Variants in PLIN3 observed in about 807,000 individuals in gnomAD.
PLIN3 encodes the protein perilipin 3, also known as perilipin-3.
A neutral mutation model predicts 35.9 loss-of-function variants in PLIN3; 30 were observed. The ratio of observed to expected loss-of-function variants is 0.84; its 90% CI spans 0.62 to 1.13. The LOEUF is 1.13. Among genes scored for constraint, PLIN3 ranks in the 50% most tolerant of loss-of-function variants. PLIN3 has a pLI of 0.00. For synonymous variants in PLIN3, 261 were observed against 262.5 expected, an observed-to-expected ratio of 0.99 and a Z score of 0.06; for missense variants, 603 against 596.9, an observed-to-expected ratio of 1.01 and a Z score of -0.11.
intron 5 of PLIN3, among the ~76,000 whole-genome samples, chr19:4,851,405 A>G (rs982960452): frequency 6.6e-6 from 1 of 152,112 alleles, no homozygotes; most frequent in Non-Finnish European, 1.5e-5. Flanking sequence ...CAGAGGTTGC[A>G]GTGAGCTGAG....
chr19:4,865,069 G>A (rs920403186), intron 1 of PLIN3, among the ~76,000 whole-genome samples: 1 of 152,148 alleles, frequency 6.6e-6, no homozygotes, highest in Non-Finnish European at 1.5e-5. Flanking sequence ...GCGGGCGCCT[G>A]TAGTCCCAGC....
At chr19:4,866,742 A>G (rs1380859046) in intron 1 of PLIN3, 1 of 152,316 alleles carries the variant, frequency 6.6e-6, no homozygotes, top group East Asian at 1.9e-4. Flanking sequence ...GCCTCGACCG[A>G]TTCTCAAGTC....
chr19:4,857,990 G>T (rs970296430), intron 4 of PLIN3, among the ~76,000 whole-genome samples: 1 of 143,688 alleles, frequency 7.0e-6, no homozygotes, highest in Non-Finnish European at 1.5e-5. Flanking sequence ...AAAAAAAAGA[G>T]GGGGCCGGGC....
chr19:4,849,891 TC>T (rs371695466), intron 5 of PLIN3, among the ~76,000 whole-genome samples: 6 of 151,960 alleles, frequency 3.9e-5, no homozygotes, highest in African/African-American at 1.4e-4. Context: ...GACCATGTGA[TC>T]CAGCTGCCTC....
At chr19:4,856,810 A>C (rs1281742269) in intron 4 of PLIN3, among the ~76,000 whole-genome samples, 1 of 149,628 alleles carries the variant, frequency 6.7e-6, no homozygotes, top group Admixed American at 6.7e-5. Flanking sequence ...GGTTCAAGTG[A>C]TACTCGTGCC....
intron 4 of PLIN3, among the ~76,000 whole-genome samples, chr19:4,853,686 G>A (rs1333121649): frequency 6.6e-6 from 1 of 151,710 alleles, no homozygotes; most frequent in East Asian, 1.9e-4. Context: ...AGTGGTGCAT[G>A]TCTGTAATCC....
chr19:4,861,476 C>G, intron 1 of PLIN3, 65 bp from the exon 2 acceptor site: 2 of 1,142,824 alleles, frequency 1.8e-6, no homozygotes, highest in Non-Finnish European at 1.3e-6. Flanking sequence ...AAGTCCAGGC[C>G]CACGCTGCAG....
At chr19:4,861,194 C>G (rs1236946387) in intron 2 of PLIN3, 135 bp downstream of exon 2, 2 of 756,720 alleles carry the variant, frequency 2.6e-6, no homozygotes, top group Non-Finnish European at 4.6e-6. Flanking sequence ...CCATACCCCA[C>G]TGAGGAATAA....
chr19:4,858,648 C>A (rs2030554028), intron 4 of PLIN3, among the ~76,000 whole-genome samples: 1 of 150,222 alleles, frequency 6.7e-6, no homozygotes, highest in African/African-American at 2.5e-5. Flanking sequence ...TCCCAAAGTA[C>A]TGGGATTACA....
intron 1 of PLIN3, among the ~76,000 whole-genome samples, chr19:4,862,300 T>C (rs2030703055): frequency 6.6e-6 from 1 of 151,736 alleles, no homozygotes; most frequent in Non-Finnish European, 1.5e-5. Context: ...CTGGCCAATT[T>C]TTTGTATTTT....
rs564816317 is a variant in PLIN3 at position 4,848,932 on chromosome 19, AT to A, written c.635-1043del. On this transcript the variant is annotated intron_variant, in intron 5 of 7. Transcript: ENST00000221957. ...GCATATACTACAGTGGTCCCATAAG[AT>A]TATAATACCATATATACCGTATTTT... Among the ~76,000 whole-genome samples, 36 of 152,190 alleles carry A rather than the reference AT, an allele frequency of 2.4e-4. No individual in the cohort carries two copies. In the East Asian group the frequency reaches 6.9e-3, roughly 29 times the overall value.
intron 1 of PLIN3, among the ~76,000 whole-genome samples, chr19:4,866,165 C>T (rs1317235135): frequency 7.9e-5 from 12 of 151,914 alleles, no homozygotes; most frequent in Admixed American, 7.9e-4. Context: ...ATACAGGTGC[C>T]CGCCACCACG....
At chr19:4,866,440 G>C (rs1451972578) in intron 1 of PLIN3, among the ~76,000 whole-genome samples, 1 of 152,142 alleles carries the variant, frequency 6.6e-6, no homozygotes, top group African/African-American at 2.4e-5. Flanking sequence ...CAAGAGCCTG[G>C]AGTCCCTGTG....
Position 4,838,439 on chromosome 19 carries a change from G to A in PLIN3, c.*753C>T, listed in dbSNP as rs1000808932. The A allele has an allele frequency of 9.8e-5, 15 of 152,350 alleles. No individual in the cohort carries two copies. Among genetic ancestry groups the A allele is most frequent in the African/African-American group, 3.4e-4 (14 of 41,392 alleles). The allele number at this position is 152,350 out of a possible 1,614,324, so 9.4% of individuals were successfully genotyped here. ...CCAGTACCTTTCTACTCTACAATGA[G>A]GCTCAGAAGCTCAGTGTACCACCCC... On this transcript the variant is annotated 3_prime_UTR_variant, in exon 8 of 8. Coordinates refer to ENST00000221957, the MANE Select transcript of PLIN3 (RefSeq NM_005817.5).
chr19:4,856,384 C>A (rs1288492520), intron 4 of PLIN3, among the ~76,000 whole-genome samples: 2 of 151,996 alleles, frequency 1.3e-5, no homozygotes, highest in Non-Finnish European at 2.9e-5. Context: ...CATGGAGAAA[C>A]CCCATCTCTA....
intron 7 of PLIN3, 50 bp from the exon 8 acceptor site, chr19:4,839,586 G>A: frequency 7.3e-7 from 1 of 1,379,256 alleles, no homozygotes; most frequent in Non-Finnish European, 9.6e-7. Context: ...TTCAGGAAAG[G>A]CGATCGGAGC....
At chr19:4,854,660 C>A (rs1468681136) in intron 4 of PLIN3, among the ~76,000 whole-genome samples, 2 of 152,104 alleles carry the variant, frequency 1.3e-5, no homozygotes, top group African/African-American at 4.8e-5. Flanking sequence ...AACAGCCCCA[C>A]TACTCAGTGA....
At chr19:4,851,932 G>A (rs11673133) in intron 5 of PLIN3, 84 bp downstream of exon 5, 65 of 1,422,468 alleles carry the variant, frequency 4.6e-5, no homozygotes, top group Non-Finnish European at 6.0e-5. Flanking sequence ...AGTGAGTGTC[G>A]GCACAGACCC....
At position 4,839,095 on chromosome 19, in the gene PLIN3, G is replaced by T; in HGVS notation, c.*97C>A. On this transcript the variant is annotated 3_prime_UTR_variant, in exon 8 of 8. Transcript: ENST00000221957. ...GGACAGCACAGAAGAGCTGGGAGGA[G>T]TGGCTAGAAAATAAGTTTGAAATGA... The T allele has an allele frequency of 1.0e-6, 1 of 995,324 alleles. No individual in the cohort carries two copies. Among genetic ancestry groups the T allele is most frequent in the Non-Finnish European group, 1.5e-6 (1 of 670,686 alleles). The allele number at this position is 995,324 out of a possible 1,614,324, so 61.7% of individuals were successfully genotyped here. A position where few individuals can be genotyped will look rare whatever the true frequency, so the allele number is the denominator to read the frequency against.
Sources: gnomAD v4.1 joint callset for allele counts (sites outside exome capture counted in the v4.1 genomes callset) on GRCh38, gnomAD v4.1.1 for gene constraint, MANE v1.5 for transcripts, NCBI Gene and HGNC (gene_info 2026-07-23, HGNC 2026-07-21) for gene names.